The following TPRG1 variants were observed in gnomAD, a reference collection of about 807,000 sequenced individuals.
TPRG1 encodes tumor protein p63 regulated 1.
TPRG1 carries 29 observed loss-of-function variants against 29.3 expected under a neutral mutation model. The observed-to-expected ratio is 0.99, with a 90% CI of 0.74 to 1.35. The LOEUF (loss-of-function observed/expected upper bound fraction) is 1.35, where lower values mean the gene tolerates loss of function less well. Among genes scored for constraint, TPRG1 ranks in the 40% most tolerant of loss-of-function variants. TPRG1 has a pLI of 0.00. For missense variants in TPRG1, 327 were observed against 335.0 expected, an observed-to-expected ratio of 0.98 and a Z score of 0.19; for synonymous variants, 130 against 116.8, an observed-to-expected ratio of 1.11 and a Z score of -0.73.
At chr3:189,243,922 A>C (rs914646636) in intron 4 of TPRG1, among the ~76,000 whole-genome samples, 19 of 152,192 alleles carry the variant, frequency 1.2e-4, no homozygotes, top group Non-Finnish European at 2.4e-4. Context: ...ATAACCACTC[A>C]GCCAGTCTCT....
intron 3 of TPRG1, among the ~76,000 whole-genome samples, chr3:189,008,619 T>G (rs1347826029): frequency 1.3e-5 from 2 of 152,142 alleles, no homozygotes; most frequent in Non-Finnish European, 2.9e-5. Context: ...AAAGCAGTAT[T>G]TTTTACTGTC....
chr3:189,141,846 G>A (rs1724613987), intron 3 of TPRG1, among the ~76,000 whole-genome samples: 1 of 152,178 alleles, frequency 6.6e-6, no homozygotes, highest in South Asian at 2.1e-4. Context: ...AATGAAGGAA[G>A]AGAACAGGAT....
At position 189,024,513 on chromosome 3, in the gene TPRG1, G is replaced by C. The variant is rs191560835; in HGVS notation, c.-463+567G>C. 9.3e-4 allele frequency among the ~76,000 whole-genome samples: 141 copies of C among 152,338 alleles called. 3 individuals carry two copies. The highest frequency in any genetic ancestry group is 1.0e-3 in the Admixed American group (16 of 15,308). The stretch of plus-strand genomic sequence containing the variant: ...TTGCCCAGTGAGGAGGAGTGGACTG[G>C]GGTCTTGTTTAAAGAAGCAGTGTGG... On this transcript the variant is annotated intron_variant, in intron 4 of 10. Coordinates refer to the TPRG1 transcript ENST00000433971.
chr3:189,217,181 G>A (rs1165209013), intron 3 of TPRG1, among the ~76,000 whole-genome samples: 2 of 152,138 alleles, frequency 1.3e-5, no homozygotes, highest in Non-Finnish European at 2.9e-5. Context: ...TTGAAGCTTA[G>A]CACTACAATT....
intron 5 of TPRG1, among the ~76,000 whole-genome samples, chr3:189,165,210 G>A (rs1434265552): frequency 6.6e-6 from 1 of 151,952 alleles, no homozygotes; most frequent in Non-Finnish European, 1.5e-5. Context: ...AGAATCGTGG[G>A]TCATTCATGT....
At chr3:189,159,692 C>A (rs1207027452) in intron 5 of TPRG1, among the ~76,000 whole-genome samples, 4 of 152,068 alleles carry the variant, frequency 2.6e-5, no homozygotes, top group African/African-American at 4.8e-5. Flanking sequence ...AATTCTCTGG[C>A]ATGTTGTTCT....
chr3:189,096,635 T>G (rs1718697917), upstream of TPRG1, among the ~76,000 whole-genome samples: 1 of 152,248 alleles, frequency 6.6e-6, no homozygotes, highest in Non-Finnish European at 1.5e-5. Context: ...TAGTTAGATC[T>G]ATTCATATTT....
At chr3:189,065,385 C>G (rs957914633) in intron 4 of TPRG1, among the ~76,000 whole-genome samples, 5 of 152,018 alleles carry the variant, frequency 3.3e-5, no homozygotes, top group African/African-American at 1.2e-4. Flanking sequence ...AAGTCACAGA[C>G]TTGTATCCCT....
chr3:189,204,058 A>C (rs1043370017), intron 1 of TPRG1, among the ~76,000 whole-genome samples: 31 of 147,876 alleles, frequency 2.1e-4, no homozygotes, highest in Non-Finnish European at 4.1e-4. Flanking sequence ...AAAAAAAAAA[A>C]AAAACTGAAC....
chr3:189,310,349 G>A (rs1722287173), intron 4 of TPRG1, 37 bp from the exon 5 acceptor site: 1 of 1,499,246 alleles, frequency 6.7e-7, no homozygotes, highest in African/African-American at 1.4e-5. Flanking sequence ...TTTGGAAATG[G>A]AAATGACTAA....
chr3:189,315,225 A>G (rs1723297442), intron 5 of TPRG1, among the ~76,000 whole-genome samples: 1 of 151,914 alleles, frequency 6.6e-6, no homozygotes, highest in African/African-American at 2.4e-5. Flanking sequence ...TAATAGTTCT[A>G]TGTTATACCC....
At chr3:189,017,154 AT>A (rs558345121) in intron 3 of TPRG1, among the ~76,000 whole-genome samples, 226 of 148,456 alleles carry the variant, frequency 1.5e-3, no homozygotes, top group Middle Eastern at 3.5e-3. Context: ...TTTTTTTCTA[AT>A]CTTGTCTGCC....
intron 2 of TPRG1, among the ~76,000 whole-genome samples, chr3:189,002,869 C>T (rs1712097492): frequency 6.6e-6 from 1 of 152,092 alleles, no homozygotes; most frequent in Non-Finnish European, 1.5e-5. Context: ...GACCTGTCAG[C>T]ACCTTACTTA....
At chr3:189,016,012 C>A (rs745736026) in intron 3 of TPRG1, among the ~76,000 whole-genome samples, 62 of 152,040 alleles carry the variant, frequency 4.1e-4, no homozygotes, top group Non-Finnish European at 7.9e-4. Flanking sequence ...ATCCTCCAGA[C>A]CCCAGAATGG....
chr3:189,076,971 T>G (rs1266416987), intron 4 of TPRG1, among the ~76,000 whole-genome samples: 1 of 149,790 alleles, frequency 6.7e-6, no homozygotes, highest in Admixed American at 6.6e-5. Context: ...AAGTGCTTAT[T>G]GAAAATAAAA....
chr3:189,227,878 T>C (rs556455901), intron 3 of TPRG1, among the ~76,000 whole-genome samples: 2 of 152,250 alleles, frequency 1.3e-5, no homozygotes, highest in South Asian at 2.1e-4. Flanking sequence ...TCCCAGCACT[T>C]TGAAAGGCTG....
At chr3:189,297,046 T>A (rs1720056597) in intron 4 of TPRG1, among the ~76,000 whole-genome samples, 1 of 152,164 alleles carries the variant, frequency 6.6e-6, no homozygotes, top group South Asian at 2.1e-4. Context: ...AGTGGTGTCA[T>A]CTCAGCTCAC....
At chr3:189,281,919 C>T (rs1200603603) in intron 4 of TPRG1, among the ~76,000 whole-genome samples, 2 of 151,930 alleles carry the variant, frequency 1.3e-5, no homozygotes, top group East Asian at 3.9e-4. Context: ...CTCTCTCTGT[C>T]GCCCAGGCTA....
chr3:189,124,219 C>T (rs1416847745), intron 1 of TPRG1, among the ~76,000 whole-genome samples: 1 of 152,008 alleles, frequency 6.6e-6, no homozygotes, highest in Non-Finnish European at 1.5e-5. Flanking sequence ...AGACATGGTG[C>T]TTGTCTTTAA....
Sources: allele counts gnomAD v4.1 joint callset (sites outside exome capture counted in the v4.1 genomes callset), GRCh38; gene constraint gnomAD v4.1.1; transcripts MANE v1.5; gene names NCBI Gene and HGNC (gene_info 2026-07-23, HGNC 2026-07-21).